MMS19: variants seen among roughly 807,000 people sequenced by gnomAD.
MMS19 encodes the protein MMS19 cytosolic iron-sulfur assembly component.
In MMS19, 77 loss-of-function variants were observed where a neutral mutation model predicts 129.8. The ratio of observed to expected loss-of-function variants is 0.59; its 90% CI spans 0.49 to 0.72. The LOEUF is 0.72. Among genes scored for constraint, MMS19 ranks in the 30% least tolerant of loss-of-function variants. MMS19 has a pLI of 0.00. For synonymous variants in MMS19, 491 were observed against 502.8 expected, an observed-to-expected ratio of 0.98 and a Z score of 0.31; for missense variants, 1,168 against 1,266.3, an observed-to-expected ratio of 0.92 and a Z score of 1.18.
In MMS19 at chr10:97,477,638, T is replaced by C. The variant is rs1047675023; in HGVS notation, c.423+217A>G. ...TGACAGAGGGATGCCTTACTTTCTG[T>C]AGGTATAAGAGGACACAGGTCAGAT... On this transcript the variant is annotated intron_variant, in intron 5 of 30. Coordinates refer to ENST00000438925, the MANE Select transcript of MMS19 (RefSeq NM_022362.5). 2.6e-5 allele frequency among the ~76,000 whole-genome samples: 4 copies of C among 152,332 alleles called. No homozygotes were observed. The East Asian group carries it at 7.7e-4, about 29-fold the overall frequency.
intron 3 of MMS19, among the ~76,000 whole-genome samples, chr10:97,479,851 A>G (rs1240511415): frequency 6.6e-6 from 1 of 152,148 alleles, no homozygotes; most frequent in Non-Finnish European, 1.5e-5. Context: ...AAAAAGAAAG[A>G]AATTATTTTA....
In MMS19 at chr10:97,498,370, C is replaced by T. The variant is rs374241112; in HGVS notation, c.15G>A (p.Ala5=). 1.9e-5 allele frequency: 30 copies of T among 1,577,126 alleles called. No individual in the cohort carries two copies. The African/African-American group carries it at 2.3e-4, about 12-fold the overall frequency. The change falls in exon 1 of 31, where the codon GCG becomes GCA. Residue 5 remains alanine, a synonymous_variant. Coordinates refer to ENST00000438925, the MANE Select transcript of MMS19 (RefSeq NM_022362.5). MAAA[A]AVEAAAPMGA... ...CCATAGGCGCCGCCGCCTCCACAGC[C>T]GCGGCAGCGGCCATAACGCGAACTA...
intron 18 of MMS19, among the ~76,000 whole-genome samples, chr10:97,465,108 C>T (rs560776384): frequency 8.6e-4 from 131 of 152,162 alleles, no homozygotes; most frequent in Non-Finnish European, 1.7e-3. Context: ...CTCCCAGGTT[C>T]AAACGATTAT....
At chr10:97,472,926 T>C (rs996454443) in intron 8 of MMS19, among the ~76,000 whole-genome samples, 8 of 152,048 alleles carry the variant, frequency 5.3e-5, no homozygotes, top group Non-Finnish European at 8.8e-5. Flanking sequence ...GGTGCAATCA[T>C]AGTGCACTAC....
chr10:97,498,497 G>T (rs907256882), upstream of MMS19: 13 of 1,464,710 alleles, frequency 8.9e-6, no homozygotes, highest in Admixed American at 2.2e-5. Context: ...GGGGCGCCGG[G>T]GTCACGTGCC....
In MMS19 at chr10:97,467,522, C is replaced by G. The variant is rs765620182; in HGVS notation, c.1280G>C (p.Trp427Ser). ...LLGFLKLQQK[W>S]SYEDKDQRPL... is the part of the protein sequence containing the mutation. ...AACCTCACCTTTGTCTTCATAGCTC[C>G]ATTTCTGCTGCAGCTTCAAGAAACC... The change falls in exon 14 of 31, where the codon TGG (tryptophan) becomes TCG (serine). Residue 427 changes from tryptophan (W) to serine (S), a missense_variant. Trp to Ser is a radical substitution (Grantham distance 177). Transcript: ENST00000438925. The G allele has an allele frequency of 2.7e-5, 43 of 1,613,764 alleles. 1 individual carries two copies. The highest frequency in any genetic ancestry group is 3.4e-5 in the Non-Finnish European group (40 of 1,179,814).
intron 3 of MMS19, chr10:97,480,482 T>C: frequency 2.7e-6 from 1 of 366,114 alleles, no homozygotes; most frequent in South Asian, 2.1e-5. Context: ...CATGCCGATA[T>C]TTCATTACTT....
intron 26 of MMS19, 40 bp from the exon 27 acceptor site, chr10:97,459,781 A>G: frequency 6.8e-7 from 1 of 1,467,288 alleles, no homozygotes; most frequent in Non-Finnish European, 9.4e-7. Flanking sequence ...AATTGGACTT[A>G]GATATATAGC....
intron 3 of MMS19, among the ~76,000 whole-genome samples, chr10:97,479,297 C>T (rs1217103876): frequency 1.3e-5 from 2 of 152,152 alleles, no homozygotes; most frequent in African/African-American, 4.8e-5. Context: ...AAAGGAAATT[C>T]GTTCATCAGA....
intron 16 of MMS19, 75 bp downstream of exon 16, chr10:97,466,429 G>A: frequency 8.3e-7 from 1 of 1,198,200 alleles, no homozygotes; most frequent in Non-Finnish European, 1.2e-6. Flanking sequence ...CAGAGCCCTG[G>A]TCCTAGCTTG....
Position 97,461,549 on chromosome 10 carries a change from GA to G in MMS19, c.2257del (p.Ser753LeufsTer28). 6.2e-7 allele frequency: 1 copy of G among 1,604,694 alleles called. No homozygotes were observed. Among genetic ancestry groups the G allele is most frequent in the Admixed American group, 1.7e-5 (1 of 58,422 alleles). ...ELSCCHSCPFSSTAAAKCFAG... is the reference protein window; with the variant it reads ...ELSCCHSCPFXSTAAAKCFAG... ...AAAGCACTTGGCAGCAGCGGTGGAA[GA>G]AAAGGGGCAGCTGTGGCAGCAGCTC... On this transcript the variant is annotated frameshift_variant, in exon 23 of 31. Coordinates refer to ENST00000438925, the MANE Select transcript of MMS19 (RefSeq NM_022362.5). LOFTEE classifies it high-confidence loss of function.
At chr10:97,483,127 A>G (rs28987112) in intron 2 of MMS19, among the ~76,000 whole-genome samples, 1 of 151,768 alleles carries the variant, frequency 6.6e-6, no homozygotes, top group African/African-American at 2.4e-5. Context: ...TGACCTGTTT[A>G]CCACAACCTC....
chr10:97,467,577 G>A lies in MMS19; in HGVS notation c.1225C>T (p.Gln409Ter), dbSNP rs1285766832. 3 of 1,613,908 alleles carry A rather than the reference G, an allele frequency of 1.9e-6. No individual in the cohort carries two copies. Among genetic ancestry groups the A allele is most frequent in the Non-Finnish European group, 1.7e-6 (2 of 1,179,840 alleles). ...EQFHKHSQSS[Q>*]RRTILEMLLG... is the part of the protein sequence containing the mutation. ...AGCATTTCAAGGATTGTCCGCCGCTGGCTGCTCTGTAACGTTTCAAGGGGT... is the reference window on the plus strand; with the variant it reads ...AGCATTTCAAGGATTGTCCGCCGCTAGCTGCTCTGTAACGTTTCAAGGGGT... The change falls in exon 14 of 31, where the codon CAG (glutamine) becomes TAG (stop). Residue 409 changes from glutamine to a stop codon, truncating the protein, a stop_gained. Coordinates refer to ENST00000438925, the MANE Select transcript of MMS19 (RefSeq NM_022362.5). LOFTEE classifies it high-confidence loss of function.
intron 12 of MMS19, 115 bp downstream of exon 12, chr10:97,468,851 C>T (rs1246532335): frequency 9.0e-6 from 10 of 1,113,420 alleles, no homozygotes; most frequent in Admixed American, 5.5e-5. Flanking sequence ...TCAGGTGATC[C>T]ACCCGCCTCG....
In MMS19 at chr10:97,458,434, G is replaced by A. The variant is rs1427806764; in HGVS notation, c.*258C>T. Reference sequence around the variant, plus strand: ...CTCAGCAGCATATCGCCCCTTTTCTGACATATAAATGCAAGAGACCCAGGA... The same window carrying A: ...CTCAGCAGCATATCGCCCCTTTTCTAACATATAAATGCAAGAGACCCAGGA... On this transcript the variant is annotated 3_prime_UTR_variant, in exon 31 of 31. Transcript: ENST00000438925. The A allele has an allele frequency of 1.0e-5, 5 of 490,530 alleles. No individual in the cohort carries two copies. Among genetic ancestry groups the A allele is most frequent in the Non-Finnish European group, 1.8e-5 (5 of 277,346 alleles). 30.4% of individuals were successfully genotyped at this position (490,530 alleles called of 1,614,324 possible).
chr10:97,484,495 C>A (rs1053153962), intron 1 of MMS19, among the ~76,000 whole-genome samples: 44 of 151,902 alleles, frequency 2.9e-4, no homozygotes, highest in African/African-American at 1.0e-3. Flanking sequence ...TACATATACA[C>A]AATAGCCTGT....
rs1416730519 is a variant in MMS19, at chr10:97,498,357, C to T, written c.28G>A (p.Ala10Thr). The change falls in exon 1 of 31, where the codon GCG becomes ACG. Residue 10 changes from alanine to threonine, a missense_variant. Physicochemically the swap from Ala to Thr is moderately conservative, Grantham distance 58 (BLOSUM62 0). Transcript: ENST00000438925. The stretch of plus-strand genomic sequence containing the variant: ...CCCCATAGGGCACCCATAGGCGCCG[C>T]CGCCTCCACAGCCGCGGCAGCGGCC... MAAAAAVEA[A>T]APMGALWGLV... The T allele has an allele frequency of 1.3e-5, 21 of 1,573,146 alleles. No homozygotes were observed. Among genetic ancestry groups the T allele is most frequent in the Non-Finnish European group, 1.7e-5 (20 of 1,167,200 alleles).
chr10:97,488,787 T>C (rs1198413778), intron 1 of MMS19, among the ~76,000 whole-genome samples: 3 of 152,218 alleles, frequency 2.0e-5, no homozygotes, highest in Non-Finnish European at 2.9e-5. Flanking sequence ...GGGCTAACTG[T>C]ACTGTGAAAG....
At chr10:97,491,152 T>C (rs1372127968) in intron 1 of MMS19, among the ~76,000 whole-genome samples, 1 of 152,124 alleles carries the variant, frequency 6.6e-6, no homozygotes, top group Non-Finnish European at 1.5e-5. Flanking sequence ...ATTTCAATAA[T>C]GGGCACAGAA....
Sources: gnomAD v4.1 joint callset for allele counts (sites outside exome capture counted in the v4.1 genomes callset) on GRCh38, gnomAD v4.1.1 for gene constraint, MANE v1.5 for transcripts, NCBI Gene and HGNC (gene_info 2026-07-23, HGNC 2026-07-21) for gene names.